Variants in GLIS3 observed in about 807,000 individuals in gnomAD.
GLIS3 encodes GLIS family zinc finger 3.
GLIS3 carries 53 observed loss-of-function variants against 78.6 expected under a neutral mutation model. The observed-to-expected ratio is 0.67, with a 90% CI of 0.54 to 0.85. The LOEUF (loss-of-function observed/expected upper bound fraction) is 0.85. GLIS3 is among the 40% of genes least tolerant of loss of function. The probability of loss-of-function intolerance (pLI) is 0.00; values close to 1 mark genes in which losing one functional copy is unlikely to be tolerated. For missense variants in GLIS3, 1,703 were observed against 1,231.1 expected (o/e 1.38, Z -5.74); for synonymous variants, 684 against 509.9 (o/e 1.34, Z -4.60).
At chr9:4,162,201 T>C (rs1049793311) in intron 2 of GLIS3, among the ~76,000 whole-genome samples, 1 of 152,238 alleles carries the variant, frequency 6.6e-6, no homozygotes, top group Admixed American at 6.5e-5. Context: ...TTCTTGTCTC[T>C]GTGTCCAAAT....
chr9:4,053,196 G>C (rs1825863359), intron 4 of GLIS3, among the ~76,000 whole-genome samples: 1 of 152,084 alleles, frequency 6.6e-6, no homozygotes, highest in South Asian at 2.1e-4. Context: ...CAATCCACTT[G>C]CCTTGGCCTC....
intron 2 of GLIS3, among the ~76,000 whole-genome samples, chr9:4,270,808 G>A (rs1563870794): frequency 6.6e-6 from 1 of 152,154 alleles, no homozygotes; most frequent in Non-Finnish European, 1.5e-5. Flanking sequence ...CTTGCTGACT[G>A]CAGATGGTAA....
At chr9:4,337,917 G>C (rs1378517864) in intron 2 of GLIS3, among the ~76,000 whole-genome samples, 2 of 151,894 alleles carry the variant, frequency 1.3e-5, no homozygotes, top group Non-Finnish European at 2.9e-5. Flanking sequence ...GAAAATATTT[G>C]CCCCAAACCA....
chr9:4,476,720 A>C, the GLIS3 span, among the ~76,000 whole-genome samples: 2 of 151,932 alleles, frequency 1.3e-5, no homozygotes, highest in Non-Finnish European at 1.5e-5. Flanking sequence ...TATTATGTGT[A>C]CATTATAGTA....
At chr9:4,266,983 ATACT>A (rs1338635730) in intron 2 of GLIS3, among the ~76,000 whole-genome samples, 5 of 152,244 alleles carry the variant, frequency 3.3e-5, no homozygotes, top group Non-Finnish European at 7.3e-5. Context: ...GTTTATGGAA[ATACT>A]TCATAGACTC....
chr9:3,889,666 G>T (rs1216520709), intron 7 of GLIS3, among the ~76,000 whole-genome samples: 1 of 152,156 alleles, frequency 6.6e-6, no homozygotes, highest in East Asian at 1.9e-4. Context: ...ATAAAACAGG[G>T]CTTGGCAAAC....
At chr9:3,959,259 C>T (rs887638273) in intron 4 of GLIS3, among the ~76,000 whole-genome samples, 4 of 152,202 alleles carry the variant, frequency 2.6e-5, no homozygotes, top group African/African-American at 7.2e-5. Flanking sequence ...TGAGGACACA[C>T]GGAGTGGGTG....
At position 3,829,517 on chromosome 9, in the gene GLIS3, C is replaced by T. The variant is rs762974737; in HGVS notation, c.2474-25G>A. On this transcript the variant is annotated intron_variant, in intron 9 of 10. Coordinates refer to ENST00000381971, the MANE Select transcript of GLIS3 (RefSeq NM_001042413.2). ...CCTGAAACGCAAGCATGGCATTGAG[C>T]ACAAGTTCCTTTGGGCACAAGTTCC... 7 of 1,613,374 alleles carry T rather than the reference C, an allele frequency of 4.3e-6. No individual in the cohort carries two copies. In the East Asian group the frequency reaches 1.1e-4, roughly 26 times the overall value.
chr9:4,401,031 G>A, the GLIS3 span, among the ~76,000 whole-genome samples: 1 of 152,142 alleles, frequency 6.6e-6, no homozygotes, highest in Admixed American at 6.5e-5. Flanking sequence ...GAGAAAAGCA[G>A]AGGGAAAAGT....
intron 4 of GLIS3, among the ~76,000 whole-genome samples, chr9:4,020,767 G>C (rs893355099): frequency 6.6e-6 from 1 of 152,196 alleles, no homozygotes; most frequent in African/African-American, 2.4e-5. Context: ...GTGTCGAGCT[G>C]CAAGAACAAA....
upstream of GLIS3, among the ~76,000 whole-genome samples, chr9:4,305,047 C>T (rs942816618): frequency 6.6e-5 from 10 of 152,118 alleles, no homozygotes; most frequent in African/African-American, 1.9e-4. Context: ...TTTTTCACTT[C>T]ATTCTCACAA....
chr9:3,849,321 A>G (rs1307782631), intron 9 of GLIS3, among the ~76,000 whole-genome samples: 1 of 152,244 alleles, frequency 6.6e-6, no homozygotes, highest in Non-Finnish European at 1.5e-5. Flanking sequence ...GTGCCTATCC[A>G]GTAAAAACTG....
At chr9:4,316,628 G>A (rs1003793493) in intron 2 of GLIS3, among the ~76,000 whole-genome samples, 1 of 152,146 alleles carries the variant, frequency 6.6e-6, no homozygotes. Context: ...ATGTCTAAAT[G>A]GTCCCAGTGT....
chr9:3,957,278 A>G (rs541013366), intron 4 of GLIS3, among the ~76,000 whole-genome samples: 1 of 152,340 alleles, frequency 6.6e-6, no homozygotes, highest in African/African-American at 2.4e-5. Flanking sequence ...TGCAGTAATC[A>G]ATGTATTTGG....
At chr9:3,869,331 T>C (rs966858765) in intron 8 of GLIS3, among the ~76,000 whole-genome samples, 10 of 152,088 alleles carry the variant, frequency 6.6e-5, no homozygotes, top group Non-Finnish European at 1.3e-4. Flanking sequence ...CATCGCTGAT[T>C]ACTCAGAAAG....
intron 2 of GLIS3, among the ~76,000 whole-genome samples, chr9:4,282,064 C>G (rs1313549971): frequency 2.0e-5 from 3 of 152,134 alleles, no homozygotes; most frequent in Admixed American, 1.3e-4. Context: ...ATGAGCCTTC[C>G]ATCAAAGATT....
At chr9:4,326,203 TTAAAA>T (rs1362753416) in intron 2 of GLIS3, among the ~76,000 whole-genome samples, 2 of 152,086 alleles carry the variant, frequency 1.3e-5, no homozygotes, top group African/African-American at 4.8e-5. Context: ...ACCCGGGAAC[TTAAAA>T]TAAAAGTTGA....
chr9:4,344,407 G>T (rs544318202), intron 2 of GLIS3, among the ~76,000 whole-genome samples: 2 of 152,150 alleles, frequency 1.3e-5, no homozygotes, highest in Non-Finnish European at 2.9e-5. Context: ...TTTTCTCCTT[G>T]AAATATTCTC....
intron 6 of GLIS3, among the ~76,000 whole-genome samples, chr9:3,903,606 G>A (rs915421825): frequency 2.6e-5 from 4 of 152,078 alleles, no homozygotes; most frequent in African/African-American, 9.7e-5. Flanking sequence ...ATATTTATTG[G>A]GCCTCAACCA....
Sources: gnomAD v4.1 joint callset for allele counts (sites outside exome capture counted in the v4.1 genomes callset) on GRCh38, gnomAD v4.1.1 for gene constraint, MANE v1.5 for transcripts, NCBI Gene and HGNC (gene_info 2026-07-23, HGNC 2026-07-21) for gene names.